Variants in EPHA4 observed in about 807,000 individuals in gnomAD.
EPHA4 encodes ephrin type-A receptor 4.
In EPHA4, 19 loss-of-function variants were observed where a neutral mutation model predicts 108.3. The observed-to-expected ratio is 0.18, with a 90% CI of 0.12 to 0.26. The LOEUF (loss-of-function observed/expected upper bound fraction) is 0.26, where lower values mean the gene tolerates loss of function less well. EPHA4 is among the 10% of genes least tolerant of loss of function. The probability of loss-of-function intolerance (pLI) is 1.00; values close to 1 mark genes in which losing one functional copy is unlikely to be tolerated. For missense variants in EPHA4, 917 were observed against 1,254.0 expected (o/e 0.73, Z 4.06); for synonymous variants, 449 against 455.5 (o/e 0.99, Z 0.18).
At position 221,446,115 on chromosome 2, in the gene EPHA4, T is replaced by G; in HGVS notation, c.1774+8A>C. The G allele has an allele frequency of 6.5e-7, 1 of 1,531,816 alleles. No individual in the cohort carries two copies. The highest frequency in any genetic ancestry group is 1.3e-5 in the South Asian group (1 of 75,206). The allele number at this position is 1,531,816 out of a possible 1,614,324, so 94.9% of individuals were successfully genotyped here. A position where few individuals can be genotyped will look rare whatever the true frequency, so the allele number is the denominator to read the frequency against. ...AAAAATAGAATTTTTTAATCCAATT[T>G]TTTGTACCTTGATTCAAATGTTTCT... On this transcript the variant is annotated splice_region_variant and intron_variant, in intron 9 of 17. Coordinates refer to ENST00000281821, the MANE Select transcript of EPHA4 (RefSeq NM_004438.5).
At chr2:221,479,646 G>A (rs755280489) in intron 5 of EPHA4, among the ~76,000 whole-genome samples, 3 of 152,154 alleles carry the variant, frequency 2.0e-5, no homozygotes, top group Non-Finnish European at 4.4e-5. Context: ...ACATTCACCC[G>A]AATTTTGGCC....
intron 3 of EPHA4, among the ~76,000 whole-genome samples, chr2:221,515,117 C>T (rs1400085264): frequency 2.6e-5 from 4 of 152,094 alleles, no homozygotes; most frequent in Non-Finnish European, 2.9e-5. Flanking sequence ...TTGTTTGAGA[C>T]GAAGTTTTGC....
At chr2:221,569,413 T>C (rs948846042) in intron 1 of EPHA4, 6 of 114,968 alleles carry the variant, frequency 5.2e-5, no homozygotes, top group African/African-American at 1.6e-4. Context: ...ATTCTCTCTT[T>C]CTCAAGATGT....
intron 17 of EPHA4, 79 bp from the exon 18 acceptor site, chr2:221,420,631 G>T (rs1413595250): frequency 6.6e-6 from 1 of 152,146 alleles, no homozygotes; most frequent in Non-Finnish European, 1.5e-5. Flanking sequence ...TTGTAAGAAA[G>T]AATATATAGG....
chr2:221,526,500 C>T (rs1015036995), intron 3 of EPHA4, among the ~76,000 whole-genome samples: 11 of 151,412 alleles, frequency 7.3e-5, no homozygotes, highest in Middle Eastern at 6.8e-3. Flanking sequence ...TCAAAGGTCT[C>T]CACCTTTCTC....
intron 3 of EPHA4, among the ~76,000 whole-genome samples, chr2:221,514,141 A>G (rs1329912064): frequency 6.6e-6 from 1 of 151,670 alleles, no homozygotes; most frequent in Non-Finnish European, 1.5e-5. Context: ...CTTCAGCTTG[A>G]TGGGTCATTG....
rs1409903927 is a variant in EPHA4 at position 221,499,196 on chromosome 2, AGAATAATATAAAATAG to A, written c.979+1805_979+1820del. The stretch of plus-strand genomic sequence containing the variant: ...GAGAATCTCCCAGATTCTCTATAAT[AGAATAATATAAAATAG>A]AAATAATATAAAATATAAATATAAT... On this transcript the variant is annotated intron_variant, in intron 4 of 17. Transcript: ENST00000281821. 3.3e-3 allele frequency among the ~76,000 whole-genome samples: 492 copies of A among 149,212 alleles called. 3 individuals are homozygous for A. Among genetic ancestry groups the A allele is most frequent in the African/African-American group, 0.012 (475 of 41,014 alleles).
At chr2:221,506,015 A>G (rs1362856218) in intron 3 of EPHA4, among the ~76,000 whole-genome samples, 1 of 152,204 alleles carries the variant, frequency 6.6e-6, no homozygotes, top group Non-Finnish European at 1.5e-5. Flanking sequence ...TTGAGGGTCT[A>G]GAAATTCCAA....
intron 3 of EPHA4, among the ~76,000 whole-genome samples, chr2:221,508,634 A>G (rs1692709286): frequency 6.6e-6 from 1 of 152,046 alleles, no homozygotes; most frequent in Admixed American, 6.5e-5. Flanking sequence ...GACATGTTTG[A>G]AATATAAAAT....
At position 221,572,169 on chromosome 2, in the gene EPHA4, G is replaced by A; in HGVS notation, c.80C>T (p.Pro27Leu). ...CDAVTGSRVY[P>L]ANEVTLLDSR... ...CGTCCCGCTCTTACCTTCATTCGCG[G>A]GGTATACCCTGGAACCTGTGACAGC... The change falls in exon 1 of 18, where the codon CCC becomes CTC. Residue 27 changes from proline to leucine, a missense_variant. By Grantham distance (98) the Pro-to-Leu change is moderately conservative. Around this residue, in one of 3 missense-constraint regions of EPHA4, gnomAD observed 758 missense variants for 1,076.7 expected, o/e 0.70. Coordinates refer to ENST00000281821, the MANE Select transcript of EPHA4 (RefSeq NM_004438.5). 6.2e-7 allele frequency: 1 copy of A among 1,613,864 alleles called. No individual in the cohort carries two copies. Among genetic ancestry groups the A allele is most frequent in the Non-Finnish European group, 8.5e-7 (1 of 1,179,768 alleles).
chr2:221,479,397 T>C (rs1294251689), intron 5 of EPHA4, among the ~76,000 whole-genome samples: 1 of 152,200 alleles, frequency 6.6e-6, no homozygotes, highest in Non-Finnish European at 1.5e-5. Context: ...ATATTACTGA[T>C]GAGAGAAAGA....
chr2:221,516,785 TATGGAG>T (rs1463862799), intron 3 of EPHA4, among the ~76,000 whole-genome samples: 1 of 152,216 alleles, frequency 6.6e-6, no homozygotes, highest in Non-Finnish European at 1.5e-5. Context: ...CAGACTCATT[TATGGAG>T]CTCAGGAACT....
chr2:221,550,798 C>CT lies in EPHA4; in HGVS notation c.823+12932dup, dbSNP rs11332295. On this transcript the variant is annotated intron_variant, in intron 3 of 17. Transcript: ENST00000281821. ...CAAAATTCACTGCTATCTAATAAGG[C>CT]TTTTTTTTTTCTACAAATGCAAAGA... Among the ~76,000 whole-genome samples, 338 of 148,162 alleles carry CT rather than the reference C, an allele frequency of 2.3e-3. 3 individuals are homozygous for CT. Among genetic ancestry groups the CT allele is most frequent in the East Asian group, 0.014 (70 of 5,074 alleles).
rs1350160842 is a variant in EPHA4, at chr2:221,418,840, T to G, written c.*2532A>C. 1.4e-4 allele frequency: 21 copies of G among 152,548 alleles called. No individual in the cohort carries two copies. The highest frequency in any genetic ancestry group is 1.3e-3 in the Admixed American group (20 of 15,270). The allele number at this position is 152,548 out of a possible 1,614,324, so 9.4% of individuals were successfully genotyped here. On this transcript the variant is annotated 3_prime_UTR_variant, in exon 18 of 18. Coordinates refer to ENST00000281821, the MANE Select transcript of EPHA4 (RefSeq NM_004438.5). ...CTTACCTCTGGAAAAGATGAACTGC[T>G]CAGAAGAGTCAACCTCATTTCTTTA...
At chr2:221,497,183 G>C (rs1037123919) in intron 4 of EPHA4, among the ~76,000 whole-genome samples, 1 of 152,186 alleles carries the variant, frequency 6.6e-6, no homozygotes, top group African/African-American at 2.4e-5. Flanking sequence ...ACATTGATTA[G>C]ATCCCTACCA....
chr2:221,433,050 T>C (rs1344310223), intron 14 of EPHA4, among the ~76,000 whole-genome samples: 1 of 152,064 alleles, frequency 6.6e-6, no homozygotes, highest in African/African-American at 2.4e-5. Context: ...GGTCTCGAAC[T>C]CCTGACCTTG....
intron 4 of EPHA4, among the ~76,000 whole-genome samples, chr2:221,498,903 G>T (rs1486555385): frequency 6.1e-5 from 9 of 147,708 alleles, no homozygotes; most frequent in Admixed American, 4.2e-4. Flanking sequence ...CAATTCTCTT[G>T]CTTCAGCCTC....
At chr2:221,539,538 A>G (rs533904031) in intron 3 of EPHA4, among the ~76,000 whole-genome samples, 24 of 152,278 alleles carry the variant, frequency 1.6e-4, no homozygotes, top group Non-Finnish European at 2.2e-4. Context: ...GGGCAGGGTA[A>G]ATTGTGTAGA....
intron 15 of EPHA4, among the ~76,000 whole-genome samples, chr2:221,427,831 T>A (rs1484434641): frequency 6.6e-6 from 1 of 152,192 alleles, no homozygotes; most frequent in Non-Finnish European, 1.5e-5. Context: ...TTTTTAAAAT[T>A]TTCATTTTTA....
Sources: gnomAD v4.1 joint callset for allele counts (sites outside exome capture counted in the v4.1 genomes callset) on GRCh38, gnomAD v4.1.1 for gene constraint, gnomAD v4.1.1 regional missense constraint, MANE v1.5 for transcripts, NCBI Gene and HGNC (gene_info 2026-07-23, HGNC 2026-07-21) for gene names.